UNC13C: variants seen among roughly 807,000 people sequenced by gnomAD.
UNC13C encodes unc-13 homolog C, also known as protein unc-13 homolog C.
A neutral mutation model predicts 245.4 loss-of-function variants in UNC13C; 174 were observed. That is an observed-to-expected ratio of 0.71 (90% CI 0.63 to 0.80). The LOEUF is 0.80. Ranked by LOEUF, UNC13C falls within the 30% of genes least tolerant of loss-of-function variation. The probability of loss-of-function intolerance (pLI) is 0.00; values close to 1 mark genes in which losing one functional copy is unlikely to be tolerated. For synonymous variants in UNC13C, 992 were observed against 895.1 expected (o/e 1.11, Z -1.93); for missense variants, 2,829 against 2,602.9 (o/e 1.09, Z -1.89).
chr15:53,912,211 G>A, the UNC13C span: 2 of 152,212 alleles, frequency 1.3e-5, no homozygotes, highest in African/African-American at 4.8e-5. Flanking sequence ...GCCCAAGGAG[G>A]GGCAAGACAA....
chr15:54,317,384 T>C (rs530047312), intron 13 of UNC13C, among the ~76,000 whole-genome samples: 7 of 152,050 alleles, frequency 4.6e-5, no homozygotes, highest in Admixed American at 2.6e-4. Flanking sequence ...TAACCTCTCA[T>C]TTTGATCATG....
At position 54,096,281 on chromosome 15, in the gene UNC13C, G is replaced by A. The variant is rs556137470; in HGVS notation, c.2984-46737G>A. Among the ~76,000 whole-genome samples the A allele has an allele frequency of 1.0e-3, 155 of 152,042 alleles. 1 individual carries two copies. Among genetic ancestry groups the A allele is most frequent in the African/African-American group, 3.7e-3 (153 of 41,472 alleles). Reference sequence around the variant, plus strand: ...TGGAGATGAGGGCTGGTTTGTGCTAGGTCAGGGATTCCACGTTTCATCACA... The same window carrying A: ...TGGAGATGAGGGCTGGTTTGTGCTAAGTCAGGGATTCCACGTTTCATCACA... On this transcript the variant is annotated intron_variant, in intron 2 of 32. Coordinates refer to ENST00000260323, the MANE Select transcript of UNC13C (RefSeq NM_001080534.3).
At chr15:54,538,067 G>A (rs1168999184) in intron 26 of UNC13C, among the ~76,000 whole-genome samples, 1 of 124,808 alleles carries the variant, frequency 8.0e-6, no homozygotes, top group Non-Finnish European at 1.6e-5. Flanking sequence ...GAAAATATTT[G>A]CAAACTATGT....
intron 19 of UNC13C, among the ~76,000 whole-genome samples, chr15:54,456,795 T>C (rs1378467729): frequency 2.0e-5 from 3 of 152,018 alleles, no homozygotes; most frequent in South Asian, 2.1e-4. Context: ...TTTTAGGGTT[T>C]TCTAGGTATA....
chr15:54,239,073 C>T (rs1386623221), intron 7 of UNC13C, among the ~76,000 whole-genome samples: 1 of 152,190 alleles, frequency 6.6e-6, no homozygotes, highest in Non-Finnish European at 1.5e-5. Flanking sequence ...GTGTCCCTCC[C>T]TATGCCTGGA....
At chr15:54,400,171 G>C (rs199819752) in intron 18 of UNC13C, among the ~76,000 whole-genome samples, 1 of 151,548 alleles carries the variant, frequency 6.6e-6, no homozygotes, top group South Asian at 2.1e-4. Context: ...GCTTTCTTTT[G>C]TACATCACAA....
intron 10 of UNC13C, 44 bp downstream of exon 10, chr15:54,265,540 A>G: frequency 7.3e-7 from 1 of 1,372,414 alleles, no homozygotes; most frequent in Non-Finnish European, 9.7e-7. Context: ...AAATTATTTA[A>G]CAATGAATTT....
intron 13 of UNC13C, among the ~76,000 whole-genome samples, chr15:54,319,533 A>T (rs1478655161): frequency 6.6e-6 from 1 of 151,924 alleles, no homozygotes; most frequent in Admixed American, 6.6e-5. Flanking sequence ...ATAAATTTTT[A>T]TTCGTGATTC....
chr15:54,046,468 T>C (rs1464916556), intron 2 of UNC13C, among the ~76,000 whole-genome samples: 1 of 152,172 alleles, frequency 6.6e-6, no homozygotes, highest in African/African-American at 2.4e-5. Flanking sequence ...TTGCATTTAT[T>C]TTATTGTGAA....
intron 2 of UNC13C, among the ~76,000 whole-genome samples, chr15:54,073,013 T>A (rs989642974): frequency 6.6e-6 from 1 of 152,158 alleles, no homozygotes; most frequent in African/African-American, 2.4e-5. Flanking sequence ...GTATGTCTCC[T>A]AACACTATCC....
At position 54,038,781 on chromosome 15, in the gene UNC13C, A is replaced by T. The variant is rs1431092904; in HGVS notation, c.2983+22895A>T. Among the ~76,000 whole-genome samples the T allele has an allele frequency of 2.0e-5, 3 of 152,218 alleles. No individual in the cohort carries two copies. The East Asian group carries it at 5.8e-4, about 29-fold the overall frequency. The stretch of plus-strand genomic sequence containing the variant: ...CAATTATGTTTCAATTTAGAATCCA[A>T]AGACTCCTATGTTTAATCAAATTAT... On this transcript the variant is annotated intron_variant, in intron 2 of 32. Transcript: ENST00000260323.
chr15:53,881,110 C>G, the UNC13C span, among the ~76,000 whole-genome samples: 2 of 151,986 alleles, frequency 1.3e-5, no homozygotes, highest in African/African-American at 4.8e-5. Context: ...TTAAGGGCTG[C>G]ATTAACTCCT....
intron 19 of UNC13C, among the ~76,000 whole-genome samples, chr15:54,465,745 A>G (rs1277683626): frequency 1.3e-5 from 2 of 152,038 alleles, no homozygotes; most frequent in African/African-American, 2.4e-5. Flanking sequence ...TTGGGGATAC[A>G]TAATGAGGAT....
upstream of UNC13C, among the ~76,000 whole-genome samples, chr15:53,977,853 C>G (rs986145405): frequency 6.6e-6 from 1 of 152,106 alleles, no homozygotes; most frequent in Non-Finnish European, 1.5e-5. Flanking sequence ...GAAGAAAAAC[C>G]TTTGCATCAC....
At chr15:54,594,293 C>T (rs79211640) in intron 30 of UNC13C, among the ~76,000 whole-genome samples, 2,123 of 151,986 alleles carry the variant, frequency 0.014, 48 homozygotes, top group African/African-American at 0.048. Context: ...TTTTTTTGTG[C>T]GGGTTGACCT....
chr15:53,998,175 T>C (rs1185561602), intron 1 of UNC13C, among the ~76,000 whole-genome samples: 1 of 152,220 alleles, frequency 6.6e-6, no homozygotes, highest in Admixed American at 6.5e-5. Context: ...TTTAGCATTT[T>C]ATTTCCAAAT....
At chr15:53,985,018 G>A (rs1473958538) in intron 1 of UNC13C, among the ~76,000 whole-genome samples, 2 of 151,844 alleles carry the variant, frequency 1.3e-5, no homozygotes, top group Admixed American at 6.6e-5. Context: ...TGTGCAGAAC[G>A]TGCAGGTTTG....
chr15:54,173,071 C>A (rs186717065), intron 4 of UNC13C, among the ~76,000 whole-genome samples: 1 of 151,848 alleles, frequency 6.6e-6, no homozygotes, highest in Non-Finnish European at 1.5e-5. Flanking sequence ...TCTGAACTCT[C>A]TATCCTGTTC....
At chr15:54,134,135 A>G (rs982857768) in intron 2 of UNC13C, among the ~76,000 whole-genome samples, 1 of 150,796 alleles carries the variant, frequency 6.6e-6, no homozygotes, top group Non-Finnish European at 1.5e-5. Flanking sequence ...ATTATTGGCT[A>G]TAGTTGTCAT....
Sources: gnomAD v4.1 joint callset for allele counts (sites outside exome capture counted in the v4.1 genomes callset) on GRCh38, gnomAD v4.1.1 for gene constraint, MANE v1.5 for transcripts, NCBI Gene and HGNC (gene_info 2026-07-23, HGNC 2026-07-21) for gene names.